IPO11: variants seen among roughly 807,000 people sequenced by gnomAD.
The protein encoded by IPO11 is importin 11, also known as importin-11.
IPO11 carries 66 observed loss-of-function variants against 143.2 expected under a neutral mutation model. The observed-to-expected ratio is 0.46, with a 90% CI of 0.38 to 0.57. The LOEUF (loss-of-function observed/expected upper bound fraction) is 0.57, where lower values mean the gene tolerates loss of function less well. IPO11 is among the 20% of genes least tolerant of loss of function. The pLI is 0.00. For synonymous variants in IPO11, 385 were observed against 377.8 expected (o/e 1.02, Z -0.22); for missense variants, 1,026 against 1,141.0 (o/e 0.90, Z 1.45).
chr5:62,573,304 G>A (rs1744206744), intron 27 of IPO11, among the ~76,000 whole-genome samples: 1 of 152,198 alleles, frequency 6.6e-6, no homozygotes, highest in African/African-American at 2.4e-5. Context: ...CTTGAAGAAT[G>A]TTGAGAACAC....
intron 27 of IPO11, among the ~76,000 whole-genome samples, chr5:62,589,528 T>A (rs1340872407): frequency 6.6e-6 from 1 of 152,232 alleles, no homozygotes; most frequent in African/African-American, 2.4e-5. Flanking sequence ...AATCCTGTGA[T>A]GCTTACCCAT....
chr5:62,515,859 A>G (rs541186881), intron 20 of IPO11, among the ~76,000 whole-genome samples: 1 of 152,314 alleles, frequency 6.6e-6, no homozygotes, highest in South Asian at 2.1e-4. Context: ...TAAAATAAAA[A>G]AATTCCCTAT....
intron 20 of IPO11, among the ~76,000 whole-genome samples, chr5:62,516,706 T>G (rs1052582683): frequency 1.3e-5 from 2 of 152,212 alleles, no homozygotes; most frequent in African/African-American, 4.8e-5. Context: ...TTCTTTTTTT[T>G]ACTGTGGTAA....
intron 24 of IPO11, 35 bp from the exon 25 acceptor site, chr5:62,550,332 C>T: frequency 6.9e-7 from 1 of 1,440,448 alleles, no homozygotes; most frequent in Non-Finnish European, 9.7e-7. Flanking sequence ...CAATGACTTG[C>T]AGTATTATCA....
chr5:62,476,947 TGTC>T (rs1745980759), intron 9 of IPO11, among the ~76,000 whole-genome samples, 194 bp downstream of exon 9: 1 of 152,210 alleles, frequency 6.6e-6, no homozygotes, highest in African/African-American at 2.4e-5. Flanking sequence ...ACATACCATG[TGTC>T]ATAGTGTAAG....
At chr5:62,598,385 TTGCTTG>T (rs1561380348) in intron 28 of IPO11, among the ~76,000 whole-genome samples, 198 of 2,926 alleles carry the variant, frequency 0.068, 30 homozygotes, top group Admixed American at 0.098. Context: ...GTTTGCTTGC[TTGCTTG>T]CTTTCTTTCT....
intron 27 of IPO11, chr5:62,579,582 CTT>C (rs1744461829): frequency 6.4e-7 from 1 of 1,551,050 alleles, no homozygotes; most frequent in Non-Finnish European, 8.7e-7. Flanking sequence ...ACTGCCGTAA[CTT>C]AGGCCTTTCG....
intron 12 of IPO11, among the ~76,000 whole-genome samples, chr5:62,486,529 C>A (rs1167217605): frequency 1.3e-5 from 2 of 152,186 alleles, no homozygotes; most frequent in South Asian, 4.1e-4. Flanking sequence ...ACTTTTACAA[C>A]GCATTTATTA....
In IPO11 at chr5:62,515,496, G is replaced by T. The variant is rs1310214443; in HGVS notation, c.1891G>T (p.Val631Phe). 6.3e-7 allele frequency: 1 copy of T among 1,589,082 alleles called. No individual in the cohort carries two copies. The change falls in exon 20 of 30, where the codon GTT becomes TTT. Residue 631 changes from valine to phenylalanine, a missense_variant. This residue lies in a region of IPO11 where 237 missense variants were observed against 288.0 expected (regional missense o/e 0.82). Transcript: ENST00000325324. ...TATTTTGACAACACTTATTCATCTT[G>T]TTCAGGTAAGTCACTTCTCCACAGA... ...CAILTTLIHL[V>F]QGLGADSKNL...
intron 28 of IPO11, among the ~76,000 whole-genome samples, chr5:62,598,458 C>G (rs200110712): frequency 3.1e-4 from 1 of 3,210 alleles, no homozygotes; most frequent in Non-Finnish European, 5.0e-4. Context: ...CTCTCTCTCT[C>G]TCTCTCTCTC....
Position 62,598,391 on chromosome 5 carries a change from GCTTTCTTTCTTTCTTT to G in IPO11, c.2679-3346_2679-3331del, listed in dbSNP as rs1214176867. On this transcript the variant is annotated intron_variant, in intron 28 of 29. Coordinates refer to ENST00000325324, the MANE Select transcript of IPO11 (RefSeq NM_016338.5). Reference sequence around the variant, plus strand: ...CCATAAATTGTTTGCTTGCTTGCTTGCTTTCTTTCTTTCTTTCTTTCTTTCTTTCTTTCTTTCTTTC... The same window carrying G: ...CCATAAATTGTTTGCTTGCTTGCTTGCTTTCTTTCTTTCTTTCTTTCTTTC... Among the ~76,000 whole-genome samples the G allele has an allele frequency of 2.2e-4, 8 of 36,504 alleles. 1 individual carries two copies. In the East Asian group the frequency reaches 5.2e-3, roughly 24 times the overall value. The allele number at this position is 36,504 out of a possible 152,430, so 23.9% of individuals were successfully genotyped here. A position where few individuals can be genotyped will look rare whatever the true frequency, so the allele number is the denominator to read the frequency against.
At chr5:62,451,692 A>ATT (rs751335421) in intron 4 of IPO11, 38 bp from the exon 5 acceptor site, 7 of 1,499,478 alleles carry the variant, frequency 4.7e-6, no homozygotes, top group Non-Finnish European at 5.6e-6. Flanking sequence ...TTCCTTATCT[A>ATT]TTGCCTTGAT....
chr5:62,493,898 C>A, intron 15 of IPO11, 100 bp from the exon 16 acceptor site: 1 of 1,071,806 alleles, frequency 9.3e-7, no homozygotes, highest in Non-Finnish European at 1.3e-6. Context: ...ATGCAGATTG[C>A]ATTCTTACTA....
chr5:62,522,187 A>G lies in IPO11; in HGVS notation c.1897-3955A>G, dbSNP rs371821313. Among the ~76,000 whole-genome samples the G allele has an allele frequency of 1.6e-4, 24 of 152,308 alleles. 1 individual carries two copies. In the East Asian group the frequency reaches 2.1e-3, roughly 13 times the overall value. ...AATCCTGAAGCATCACCCAACTTCA[A>G]GATCAGCATTTTGTCTGTATAAATT... On this transcript the variant is annotated intron_variant, in intron 20 of 29. Transcript: ENST00000325324.
At chr5:62,558,921 T>C (rs73760836) in intron 26 of IPO11, among the ~76,000 whole-genome samples, 3,150 of 152,340 alleles carry the variant, frequency 0.021, 121 homozygotes, top group African/African-American at 0.071. Context: ...AAAAGTCATA[T>C]ACATTTTTTG....
intron 26 of IPO11, among the ~76,000 whole-genome samples, chr5:62,552,881 A>G (rs1029109614): frequency 6.6e-6 from 1 of 152,196 alleles, no homozygotes; most frequent in Non-Finnish European, 1.5e-5. Context: ...TGCTATTTCT[A>G]TACATACAGC....
At chr5:62,616,415 A>G (rs1746135455) in intron 29 of IPO11, among the ~76,000 whole-genome samples, 1 of 152,294 alleles carries the variant, frequency 6.6e-6, no homozygotes. Context: ...ATTTAAAAAT[A>G]TATATACATC....
chr5:62,540,946 C>G (rs1338298956), intron 24 of IPO11, among the ~76,000 whole-genome samples: 2 of 152,150 alleles, frequency 1.3e-5, no homozygotes, highest in Admixed American at 6.5e-5. Context: ...ACTCTTTGAC[C>G]ATTTATTTGA....
intron 18 of IPO11, 53 bp downstream of exon 18, chr5:62,504,951 T>G: frequency 9.8e-7 from 1 of 1,015,508 alleles, no homozygotes; most frequent in Non-Finnish European, 1.5e-6. Flanking sequence ...TCTGCTTATG[T>G]CTTTGAATAC....
Sources: allele counts gnomAD v4.1 joint callset (sites outside exome capture counted in the v4.1 genomes callset), GRCh38; gene constraint gnomAD v4.1.1; regional missense constraint gnomAD v4.1.1; transcripts MANE v1.5; gene names NCBI Gene and HGNC (gene_info 2026-07-23, HGNC 2026-07-21).